The following PTPRG variants were observed in gnomAD, a reference collection of about 807,000 sequenced individuals.
The protein encoded by PTPRG is protein tyrosine phosphatase receptor type G.
PTPRG carries 102 observed loss-of-function variants against 165.3 expected under a neutral mutation model. The observed-to-expected ratio is 0.62, with a 90% CI of 0.53 to 0.73. The LOEUF (loss-of-function observed/expected upper bound fraction) is 0.73, where lower values mean the gene tolerates loss of function less well. Among genes scored for constraint, PTPRG ranks in the 30% least tolerant of loss-of-function variants. The probability of loss-of-function intolerance (pLI) is 0.00; values close to 1 mark genes in which losing one functional copy is unlikely to be tolerated. For missense variants in PTPRG, 1,866 were observed against 1,861.4 expected (o/e 1.00, Z -0.05); for synonymous variants, 675 against 669.5 (o/e 1.01, Z -0.13).
chr3:62,271,432 AG>A lies in PTPRG; in HGVS notation c.3060del (p.Gln1020HisfsTer20). ...KGRQNERVVI[Q>X]YHYTQWPDMG... ...CGTCAGAATGAAAGGGTAGTGATCCAGTATCACTATACACAGTGGCCTGACA... is the reference window on the plus strand; with the variant it reads ...CGTCAGAATGAAAGGGTAGTGATCCATATCACTATACACAGTGGCCTGACA... On this transcript the variant is annotated frameshift_variant, in exon 21 of 30. Transcript: ENST00000474889. LOFTEE classifies it high-confidence loss of function. The surrounding 1 kb of genome is among the most constrained non-coding windows in gnomAD (Gnocchi z 4.1). 6.2e-7 allele frequency: 1 copy of A among 1,612,776 alleles called. No individual in the cohort carries two copies. The highest frequency in any genetic ancestry group is 8.5e-7 in the Non-Finnish European group (1 of 1,178,966).
intron 13 of PTPRG, among the ~76,000 whole-genome samples, chr3:62,221,088 T>G (rs900148768): frequency 6.6e-6 from 1 of 152,206 alleles, no homozygotes; most frequent in Non-Finnish European, 1.5e-5. Context: ...GTAAACAGCT[T>G]TAAAATCCTT....
rs865973852 is a variant in PTPRG at position 62,233,797 on chromosome 3, T to A, written c.2375+2486T>A. On this transcript the variant is annotated intron_variant, in intron 14 of 29. Coordinates refer to ENST00000474889, the MANE Select transcript of PTPRG (RefSeq NM_002841.4). The surrounding 1 kb of genome is among the most constrained non-coding windows in gnomAD (Gnocchi z 4.7). Reference sequence around the variant, plus strand: ...CAGGACAACAGCTGTGAGAGGTGATTATCCTCCCAGAAAGGAGAGGAAAAA... The same window carrying A: ...CAGGACAACAGCTGTGAGAGGTGATAATCCTCCCAGAAAGGAGAGGAAAAA... Among the ~76,000 whole-genome samples, 1 of 152,230 alleles carries A rather than the reference T, an allele frequency of 6.6e-6. No homozygotes were observed. The highest frequency in any genetic ancestry group is 1.5e-5 in the Non-Finnish European group (1 of 68,032).
intron 1 of PTPRG, among the ~76,000 whole-genome samples, chr3:61,649,100 T>A (rs1046898943): frequency 6.6e-6 from 1 of 152,080 alleles, no homozygotes; most frequent in Non-Finnish European, 1.5e-5. Context: ...CGGAGACTGG[T>A]TAATTTATTT....
At chr3:61,639,144 G>T (rs557278379) in intron 1 of PTPRG, among the ~76,000 whole-genome samples, 1 of 152,236 alleles carries the variant, frequency 6.6e-6, no homozygotes, top group African/African-American at 2.4e-5. Context: ...AGTTATCCCA[G>T]TATCATTAAT....
At chr3:62,151,534 T>C (rs181118638) in intron 6 of PTPRG, among the ~76,000 whole-genome samples, 9 of 151,846 alleles carry the variant, frequency 5.9e-5, no homozygotes, top group African/African-American at 2.2e-4. Context: ...GAACAATTAA[T>C]TATTAAAATA....
intron 14 of PTPRG, among the ~76,000 whole-genome samples, chr3:62,242,565 A>G (rs1418140830): frequency 2.0e-5 from 3 of 152,228 alleles, no homozygotes; most frequent in African/African-American, 7.2e-5. Flanking sequence ...GCGTGTGGTT[A>G]TAATAGCCTG....
chr3:61,950,603 T>C (rs1265506791), intron 2 of PTPRG, among the ~76,000 whole-genome samples: 1 of 152,212 alleles, frequency 6.6e-6, no homozygotes, highest in Middle Eastern at 3.2e-3. Context: ...TTATAGGTTC[T>C]TTCTGTACAG....
rs369148891 is a variant in PTPRG at position 61,989,690 on chromosome 3, A to G, written c.256A>G (p.Ile86Val). 11 of 1,614,106 alleles carry G rather than the reference A, an allele frequency of 6.8e-6. No individual in the cohort carries two copies. In the African/African-American group the frequency reaches 1.5e-4, roughly 22 times the overall value. Residue 86 changes from isoleucine (I) to valine (V), a missense_variant, in exon 3 of 30, where the codon ATT becomes GTT. Physicochemically the swap from Ile to Val is conservative, Grantham distance 29. This residue lies in a region of PTPRG where 408 missense variants were observed against 376.2 expected (regional missense o/e 1.08). Coordinates refer to ENST00000474889, the MANE Select transcript of PTPRG (RefSeq NM_002841.4). ...VSCGGRHQSP[I>V]DILDQYARVG... ...CTGTGGGGGCCGTCACCAGTCTCCT[A>G]TTGACATTTTAGACCAGTATGCGCG... is the stretch of plus-strand genomic sequence containing the variant.
At chr3:61,937,646 T>C (rs1243370849) in intron 2 of PTPRG, among the ~76,000 whole-genome samples, 1 of 152,192 alleles carries the variant, frequency 6.6e-6, no homozygotes, top group Non-Finnish European at 1.5e-5. Flanking sequence ...CCTGGAAACT[T>C]GGAAACATTT....
chr3:61,680,401 C>G (rs918712316), intron 1 of PTPRG, among the ~76,000 whole-genome samples: 2 of 151,386 alleles, frequency 1.3e-5, no homozygotes, highest in Non-Finnish European at 2.9e-5. Context: ...CTACTCTTGC[C>G]CAGGCTGAGT....
intron 2 of PTPRG, among the ~76,000 whole-genome samples, chr3:61,879,050 C>A (rs2037817209): frequency 6.6e-6 from 1 of 152,112 alleles, no homozygotes; most frequent in Non-Finnish European, 1.5e-5. Context: ...TTATTAAGAA[C>A]CAATATAAAT....
chr3:61,762,072 AT>A (rs2033858657), intron 2 of PTPRG, among the ~76,000 whole-genome samples: 1 of 152,120 alleles, frequency 6.6e-6, no homozygotes, highest in African/African-American at 2.4e-5. Context: ...GAGCGAAGGC[AT>A]TTTTAGTGTG....
intron 1 of PTPRG, among the ~76,000 whole-genome samples, chr3:61,660,041 A>G (rs931701029): frequency 6.6e-6 from 1 of 152,136 alleles, no homozygotes; most frequent in Non-Finnish European, 1.5e-5. Context: ...CCTGGCCAAC[A>G]TGGTGAAACC....
intron 5 of PTPRG, among the ~76,000 whole-genome samples, chr3:62,122,698 C>G (rs922149889): frequency 2.0e-5 from 3 of 152,102 alleles, no homozygotes; most frequent in Admixed American, 6.6e-5. Context: ...TTTATTTGCT[C>G]CATTTGGGGT....
At chr3:62,172,468 T>G (rs1559601051) in intron 8 of PTPRG, among the ~76,000 whole-genome samples, 3 of 152,228 alleles carry the variant, frequency 2.0e-5, no homozygotes, top group Non-Finnish European at 2.9e-5. Flanking sequence ...TGCATCAGTT[T>G]ATAGTTCTGA....
intron 2 of PTPRG, among the ~76,000 whole-genome samples, chr3:61,902,481 C>T (rs946745407): frequency 6.6e-6 from 1 of 152,122 alleles, no homozygotes; most frequent in East Asian, 1.9e-4. Context: ...AATGTAAGAC[C>T]TGCTATCTTT....
intron 5 of PTPRG, among the ~76,000 whole-genome samples, chr3:62,109,180 C>G (rs1425206142): frequency 6.6e-6 from 1 of 152,092 alleles, no homozygotes; most frequent in Non-Finnish European, 1.5e-5. Flanking sequence ...GGTCCTAGGT[C>G]TTACATTTAA....
chr3:61,760,712 A>T (rs1203469864), intron 2 of PTPRG, among the ~76,000 whole-genome samples: 1 of 152,176 alleles, frequency 6.6e-6, no homozygotes, highest in Non-Finnish European at 1.5e-5. Context: ...TCACCTGGGT[A>T]TTAAGCCCAG....
At chr3:61,892,910 G>A in intron 2 of PTPRG, among the ~76,000 whole-genome samples, 1 of 152,164 alleles carries the variant, frequency 6.6e-6, no homozygotes, top group Non-Finnish European at 1.5e-5. Context: ...ACTTTGTTCA[G>A]TTTTTAATAA....
Sources: allele counts gnomAD v4.1 joint callset (sites outside exome capture counted in the v4.1 genomes callset), GRCh38; gene constraint gnomAD v4.1.1; regional missense constraint gnomAD v4.1.1; non-coding constraint Gnocchi (gnomAD v3.1); transcripts MANE v1.5; gene names NCBI Gene and HGNC (gene_info 2026-07-23, HGNC 2026-07-21).